Variants in LIPK observed in about 807,000 individuals in gnomAD.
LIPK encodes lipase member K.
A neutral mutation model predicts 48.6 loss-of-function variants in LIPK; 32 were observed. That is an observed-to-expected ratio of 0.66 (90% confidence interval 0.50 to 0.88). The LOEUF (loss-of-function observed/expected upper bound fraction) is 0.88, where lower values mean the gene tolerates loss of function less well. LIPK is among the 40% of genes least tolerant of loss of function. The pLI, the probability that LIPK is intolerant of heterozygous loss-of-function variation, is 0.00. For synonymous variants in LIPK, 164 were observed against 157.4 expected (o/e 1.04, Z -0.32); for missense variants, 507 against 478.5 (o/e 1.06, Z -0.56).
At chr10:88,707,221 T>C (rs539942338) in intron 1 of LIPK, among the ~76,000 whole-genome samples, 1 of 152,248 alleles carries the variant, frequency 6.6e-6, no homozygotes, top group South Asian at 2.1e-4. Context: ...CACCTTGGCA[T>C]ACTTAGCACT....
At chr10:88,709,832 G>A (rs1277201185) in intron 1 of LIPK, among the ~76,000 whole-genome samples, 1 of 152,060 alleles carries the variant, frequency 6.6e-6, no homozygotes, top group East Asian at 1.9e-4. Context: ...AAAGGAGAGG[G>A]TTGGGCTTTT....
At chr10:88,752,493 C>A in intron 9 of LIPK, 24 bp from the exon 10 acceptor site, 1 of 1,502,668 alleles carries the variant, frequency 6.7e-7, no homozygotes, top group Non-Finnish European at 9.0e-7. Flanking sequence ...AAAAACTTTT[C>A]TCTCTCTCTT....
At chr10:88,730,546 C>A (rs909385013) in intron 3 of LIPK, among the ~76,000 whole-genome samples, 1 of 152,144 alleles carries the variant, frequency 6.6e-6, no homozygotes, top group African/African-American at 2.4e-5. Flanking sequence ...CGCCTCAGCT[C>A]CCAAAGTGCT....
chr10:88,739,963 T>G, intron 7 of LIPK, 33 bp from the exon 8 acceptor site: 2 of 1,446,308 alleles, frequency 1.4e-6, no homozygotes, highest in Non-Finnish European at 1.9e-6. Context: ...GATGATATGA[T>G]TAGCCTCTAG....
rs190553976 is a variant in LIPK at position 88,708,311 on chromosome 10, A to G, written c.-12+1991A>G. Among the ~76,000 whole-genome samples, 140 of 152,276 alleles carry G rather than the reference A, an allele frequency of 9.2e-4. 2 individuals are homozygous for G. The East Asian group carries it at 0.015, about 17-fold the overall frequency. On this transcript the variant is annotated intron_variant, in intron 1 of 9. Transcript: ENST00000404190. ...CAAGCTAATAAATTCATCAAGAAAA[A>G]TATATAACCAATAAGTAAATTAGTG...
intron 3 of LIPK, among the ~76,000 whole-genome samples, chr10:88,727,153 C>T (rs1043595176): frequency 6.6e-6 from 1 of 152,208 alleles, no homozygotes; most frequent in Non-Finnish European, 1.5e-5. Flanking sequence ...ACCAAGCAAA[C>T]ACAAAAACAC....
At position 88,721,065 on chromosome 10, in the gene LIPK, T is replaced by C. The variant is rs1403203005; in HGVS notation, c.-11-3468T>C. On this transcript the variant is annotated intron_variant, in intron 1 of 9. Coordinates refer to ENST00000404190, the MANE Select transcript of LIPK (RefSeq NM_001080518.2). ...ATCCTTATATGCATTAGCATATCCT[T>C]AGTCTAATATCCTTATATTTATTAG... 3.3e-5 allele frequency among the ~76,000 whole-genome samples: 5 copies of C among 152,210 alleles called. No individual in the cohort carries two copies. The East Asian group carries it at 9.6e-4, about 29-fold the overall frequency.
intron 3 of LIPK, 127 bp downstream of exon 3, chr10:88,727,039 C>T (rs898771170): frequency 1.5e-4 from 97 of 654,768 alleles, no homozygotes; most frequent in Non-Finnish European, 2.3e-4. Context: ...GAAAAATTAT[C>T]GCCCCCCATC....
chr10:88,737,597 G>T (rs373018858), intron 6 of LIPK, 38 bp from the exon 7 acceptor site: 11 of 1,606,232 alleles, frequency 6.8e-6, no homozygotes, highest in East Asian at 2.2e-5. Context: ...TGATATCCAC[G>T]CCTGTAAGAT....
At chr10:88,731,252 T>G in intron 4 of LIPK, 71 bp downstream of exon 4, 9 of 1,270,864 alleles carry the variant, frequency 7.1e-6, no homozygotes, top group Non-Finnish European at 9.3e-6. Context: ...CTAGTGATTT[T>G]TTTCCTGTTT....
chr10:88,712,367 T>C (rs893282280), intron 1 of LIPK, among the ~76,000 whole-genome samples: 7 of 152,154 alleles, frequency 4.6e-5, no homozygotes, highest in African/African-American at 1.4e-4. Flanking sequence ...ACAGCAACAA[T>C]AAAAATGACT....
intron 9 of LIPK, among the ~76,000 whole-genome samples, chr10:88,750,096 C>T (rs1842839221): frequency 6.6e-6 from 1 of 152,002 alleles, no homozygotes; most frequent in Non-Finnish European, 1.5e-5. Flanking sequence ...AAAATCAAAA[C>T]CATGATGAGA....
At chr10:88,736,638 G>A (rs551408337) in intron 6 of LIPK, among the ~76,000 whole-genome samples, 1 of 152,226 alleles carries the variant, frequency 6.6e-6, no homozygotes, top group African/African-American at 2.4e-5. Context: ...ATCAATCCAT[G>A]CTTGGCAAAA....
chr10:88,719,452 G>A (rs991634210), intron 1 of LIPK, among the ~76,000 whole-genome samples: 1 of 152,240 alleles, frequency 6.6e-6, no homozygotes, highest in African/African-American at 2.4e-5. Context: ...TGCAGTTGAA[G>A]CTCTGACAGC....
At chr10:88,709,090 C>T (rs1023822645) in intron 1 of LIPK, among the ~76,000 whole-genome samples, 1 of 152,086 alleles carries the variant, frequency 6.6e-6, no homozygotes, top group Non-Finnish European at 1.5e-5. Flanking sequence ...GTAAATAGAT[C>T]TTTGCCTTTT....
At chr10:88,740,116 C>T (rs1201095366) in intron 8 of LIPK, 49 bp downstream of exon 8, 1 of 1,441,508 alleles carries the variant, frequency 6.9e-7, no homozygotes, top group Non-Finnish European at 9.6e-7. Context: ...CTGCAAGACC[C>T]TCAAGAAGTG....
chr10:88,745,232 C>T (rs963513869), intron 9 of LIPK, among the ~76,000 whole-genome samples: 3 of 152,100 alleles, frequency 2.0e-5, no homozygotes, highest in African/African-American at 7.2e-5. Flanking sequence ...ATGAAAATTT[C>T]CCCAACCTCA....
Position 88,750,004 on chromosome 10 carries a change from A to G in LIPK, c.961-2513A>G, listed in dbSNP as rs577660008. On this transcript the variant is annotated intron_variant, in intron 9 of 9. Coordinates refer to ENST00000404190, the MANE Select transcript of LIPK (RefSeq NM_001080518.2). ...ATTAAAAAGTTAGCAAAGTACATGA[A>G]CAAACACTTCTCAAAAGAAGACATA... Among the ~76,000 whole-genome samples, 23 of 152,350 alleles carry G rather than the reference A, an allele frequency of 1.5e-4. 1 individual carries two copies. The South Asian group carries it at 4.6e-3, about 30-fold the overall frequency.
chr10:88,737,707 C>A lies in LIPK; in HGVS notation c.742C>A (p.Arg248=). 4 of 1,613,852 alleles carry A rather than the reference C, an allele frequency of 2.5e-6. No individual in the cohort carries two copies. Among genetic ancestry groups the A allele is most frequent in the Non-Finnish European group, 3.4e-6 (4 of 1,179,762 alleles). Residue 248 remains arginine, a synonymous_variant, in exon 7 of 10, where the codon CGA becomes AGA. Coordinates refer to ENST00000404190, the MANE Select transcript of LIPK (RefSeq NM_001080518.2). ...DQFIATKVCN[R]KLFRRICSNF... is the part of the protein sequence containing the mutation. ...ATTCATTGCCACCAAAGTGTGCAAT[C>A]GAAAGCTATTCCGTCGTATTTGCAG...
Sources: allele counts gnomAD v4.1 joint callset (sites outside exome capture counted in the v4.1 genomes callset), GRCh38; gene constraint gnomAD v4.1.1; transcripts MANE v1.5; gene names NCBI Gene and HGNC (gene_info 2026-07-23, HGNC 2026-07-21).